The following LGSN variants were observed in gnomAD, a reference collection of about 807,000 sequenced individuals.
LGSN encodes lengsin.
In LGSN, 21 loss-of-function variants were observed where a neutral mutation model predicts 19.5. The ratio of observed to expected loss-of-function variants is 1.07; its 90% confidence interval spans 0.76 to 1.55. The LOEUF is 1.55. Among genes scored for constraint, LGSN ranks in the 40% most tolerant of loss-of-function variants. The probability of loss-of-function intolerance (pLI) is 0.00; values close to 1 mark genes in which losing one functional copy is unlikely to be tolerated. For synonymous variants in LGSN, 257 were observed against 215.6 expected (o/e 1.19, Z -1.68); for missense variants, 673 against 608.5 (o/e 1.11, Z -1.12).
chr6:63,358,559 G>T, the LGSN span, among the ~76,000 whole-genome samples: 4 of 152,096 alleles, frequency 2.6e-5, no homozygotes, highest in Non-Finnish European at 4.4e-5. Flanking sequence ...TCCCTTGTAA[G>T]TTGGATTCCT....
At position 63,280,787 on chromosome 6, in the gene LGSN, T is replaced by C; in HGVS notation, c.764A>G (p.Glu255Gly). Residue 255 changes from glutamate (E) to glycine (G), a missense_variant, in exon 4 of 4, where the codon GAG becomes GGG. Coordinates refer to ENST00000370657, the MANE Select transcript of LGSN (RefSeq NM_016571.3). Reference sequence around the variant, plus strand: ...AGGCCTGGTAGAGGAGGAAAAACTCTCGACATTGGCTCCAGTGTGATACAA... The same window carrying C: ...AGGCCTGGTAGAGGAGGAAAAACTCCCGACATTGGCTCCAGTGTGATACAA... ...DGLYHTGANV[E>G]SFSSSTRPGQ... 1 of 1,614,128 alleles carries C rather than the reference T, an allele frequency of 6.2e-7. No individual in the cohort carries two copies. Among genetic ancestry groups the C allele is most frequent in the Non-Finnish European group, 8.5e-7 (1 of 1,180,012 alleles).
At chr6:63,398,724 G>A in the LGSN span, among the ~76,000 whole-genome samples, 17,529 of 152,120 alleles carry the variant, frequency 0.12, 2,014 homozygotes, top group African/African-American at 0.3. Flanking sequence ...GTGTATAGCA[G>A]TATCGTAGAC....
chr6:63,504,630 G>A, the LGSN span, among the ~76,000 whole-genome samples: 1 of 152,076 alleles, frequency 6.6e-6, no homozygotes, highest in Non-Finnish European at 1.5e-5. Context: ...TTTTAATAGA[G>A]ACAGGGTTTT....
At chr6:63,569,966 G>T in the LGSN span, among the ~76,000 whole-genome samples, 6 of 152,204 alleles carry the variant, frequency 3.9e-5, no homozygotes, top group Admixed American at 3.9e-4. Flanking sequence ...CAGCTTAAAA[G>T]TATTAAACTA....
chr6:63,330,626 C>T, the LGSN span, among the ~76,000 whole-genome samples: 1 of 152,136 alleles, frequency 6.6e-6, no homozygotes, highest in Non-Finnish European at 1.5e-5. Flanking sequence ...ATTGAATGGG[C>T]TTTTTTCTAA....
At chr6:63,431,905 G>GA in the LGSN span, among the ~76,000 whole-genome samples, 767 of 138,190 alleles carry the variant, frequency 5.6e-3, 3 homozygotes, top group Non-Finnish European at 8.8e-3. Flanking sequence ...CGACTCTACT[G>GA]AAAAAAAAAA....
chr6:63,288,634 A>T (rs1044644828), intron 2 of LGSN, among the ~76,000 whole-genome samples: 1 of 152,218 alleles, frequency 6.6e-6, no homozygotes, highest in African/African-American at 2.4e-5. Flanking sequence ...TGCCCCAGAC[A>T]GGCGGCTTAC....
the LGSN span, among the ~76,000 whole-genome samples, chr6:63,333,368 TCTC>T: frequency 6.7e-6 from 1 of 148,654 alleles, no homozygotes; most frequent in South Asian, 2.1e-4. Flanking sequence ...GGAAGGAAAT[TCTC>T]CCTAAGTTAT....
chr6:63,521,510 A>G, the LGSN span, among the ~76,000 whole-genome samples: 1 of 152,238 alleles, frequency 6.6e-6, no homozygotes, highest in Non-Finnish European at 1.5e-5. Context: ...ACATGTAAAG[A>G]GGGTAAATGA....
chr6:63,533,236 G>A, the LGSN span, among the ~76,000 whole-genome samples: 1 of 152,060 alleles, frequency 6.6e-6, no homozygotes, highest in Non-Finnish European at 1.5e-5. Flanking sequence ...ACAAAAATTA[G>A]CCAGATGTGG....
the LGSN span, among the ~76,000 whole-genome samples, chr6:63,548,256 T>A: frequency 1.3e-5 from 2 of 152,254 alleles, no homozygotes; most frequent in Admixed American, 1.3e-4. Context: ...GAATCCAGAT[T>A]CAAATTATTT....
chr6:63,362,355 G>A, the LGSN span, among the ~76,000 whole-genome samples: 3 of 151,548 alleles, frequency 2.0e-5, no homozygotes, highest in South Asian at 4.2e-4. Flanking sequence ...ATCTCACTGG[G>A]GCTTGTCAGA....
At chr6:63,570,378 C>T in the LGSN span, among the ~76,000 whole-genome samples, 1 of 152,136 alleles carries the variant, frequency 6.6e-6, no homozygotes, top group Non-Finnish European at 1.5e-5. Context: ...ACAGCAAAAG[C>T]CTTATTTTTT....
chr6:63,326,059 T>C, the LGSN span, among the ~76,000 whole-genome samples: 1 of 152,078 alleles, frequency 6.6e-6, no homozygotes. Context: ...ACAAAGGTTC[T>C]CCACGTCCCC....
the LGSN span, among the ~76,000 whole-genome samples, chr6:63,462,534 G>T: frequency 1.6e-3 from 243 of 152,320 alleles, 4 homozygotes; most frequent in Non-Finnish European, 1.3e-3. Context: ...CTACTTGGGA[G>T]GCTGAGGCAG....
At chr6:63,360,453 G>A in the LGSN span, among the ~76,000 whole-genome samples, 11 of 151,802 alleles carry the variant, frequency 7.2e-5, no homozygotes, top group Admixed American at 2.6e-4. Context: ...TGATCGAATC[G>A]GCTACTGAGG....
chr6:63,321,271 T>G (rs1769072696), upstream of LGSN, among the ~76,000 whole-genome samples: 1 of 152,166 alleles, frequency 6.6e-6, no homozygotes, highest in Non-Finnish European at 1.5e-5. Flanking sequence ...TGCATGTGCT[T>G]GTCTCCATGC....
chr6:63,350,901 C>T, the LGSN span, among the ~76,000 whole-genome samples: 47 of 150,488 alleles, frequency 3.1e-4, no homozygotes, highest in African/African-American at 1.1e-3. Context: ...GTAAGTAAAA[C>T]AATTGGTTTT....
the LGSN span, among the ~76,000 whole-genome samples, chr6:63,415,792 T>C: frequency 6.6e-6 from 1 of 152,206 alleles, no homozygotes; most frequent in South Asian, 2.1e-4. Context: ...AGTTCTAAAT[T>C]GTTGATGCAT....
Sources: gnomAD v4.1 joint callset for allele counts (sites outside exome capture counted in the v4.1 genomes callset) on GRCh38, gnomAD v4.1.1 for gene constraint, MANE v1.5 for transcripts, NCBI Gene and HGNC (gene_info 2026-07-23, HGNC 2026-07-21) for gene names.